The following PRELID2 variants were observed in gnomAD, a reference collection of about 807,000 sequenced individuals.
PRELID2 encodes PRELI domain-containing protein 2.
PRELID2 carries 25 observed loss-of-function variants against 28.4 expected under a neutral mutation model. The ratio of observed to expected loss-of-function variants is 0.88; its 90% CI spans 0.64 to 1.23. The LOEUF is 1.23. Among genes scored for constraint, PRELID2 ranks in the 50% most tolerant of loss-of-function variants. The probability of loss-of-function intolerance (pLI) is 0.00; values close to 1 mark genes in which losing one functional copy is unlikely to be tolerated. For missense variants in PRELID2, 201 were observed against 214.4 expected, an observed-to-expected ratio of 0.94 and a Z score of 0.39; for synonymous variants, 76 against 71.6, an observed-to-expected ratio of 1.06 and a Z score of -0.31.
At position 145,593,797 on chromosome 5, in the gene PRELID2, T is replaced by C. The variant is rs112494639; in HGVS notation, n.71-120482A>G. ...ATCAGAAGAAAAAAGATGTGGTAGA[T>C]GAACTCATTGATTAAGAGAGACTCA... On this transcript the variant is annotated intron_variant and non_coding_transcript_variant, in intron 1 of 2. Coordinates refer to the PRELID2 transcript ENST00000510259. Among the ~76,000 whole-genome samples, 430 of 152,298 alleles carry C rather than the reference T, an allele frequency of 2.8e-3. 1 individual carries two copies. The highest frequency in any genetic ancestry group is 0.01 in the African/African-American group (417 of 41,578).
chr5:145,331,261 G>A, the PRELID2 span, among the ~76,000 whole-genome samples: 1 of 152,154 alleles, frequency 6.6e-6, no homozygotes, highest in African/African-American at 2.4e-5. Flanking sequence ...TTGATTTGGG[G>A]TGGAGAGTTC....
chr5:145,799,376 C>T (rs1752981010), intron 4 of PRELID2, among the ~76,000 whole-genome samples: 1 of 152,114 alleles, frequency 6.6e-6, no homozygotes, highest in Non-Finnish European at 1.5e-5. Context: ...AACTTTGCCT[C>T]ATTCATTCAT....
the PRELID2 span, among the ~76,000 whole-genome samples, chr5:145,307,552 C>A: frequency 6.6e-6 from 1 of 152,218 alleles, no homozygotes; most frequent in Admixed American, 6.5e-5. Context: ...CCTCTCAATC[C>A]TCTGTGTGCC....
chr5:145,803,418 C>A (rs1230502546), intron 4 of PRELID2, among the ~76,000 whole-genome samples: 13 of 151,516 alleles, frequency 8.6e-5, no homozygotes, highest in African/African-American at 3.2e-4. Flanking sequence ...CACACACACA[C>A]TATATATACA....
the PRELID2 span, among the ~76,000 whole-genome samples, chr5:145,252,291 C>T: frequency 6.6e-6 from 1 of 152,144 alleles, no homozygotes; most frequent in East Asian, 1.9e-4. Flanking sequence ...TGTAGATTCT[C>T]TGGCCCTGTC....
At chr5:145,357,383 TA>T in the PRELID2 span, among the ~76,000 whole-genome samples, 2 of 152,200 alleles carry the variant, frequency 1.3e-5, no homozygotes, top group East Asian at 3.9e-4. Flanking sequence ...CAATGAGTCA[TA>T]GATTTGGTTT....
intron 1 of PRELID2, among the ~76,000 whole-genome samples, chr5:145,571,179 T>C (rs1753012049): frequency 6.6e-6 from 1 of 152,226 alleles, no homozygotes; most frequent in South Asian, 2.1e-4. Flanking sequence ...ACCACCTATA[T>C]CTGTATGGTG....
At chr5:145,716,273 A>G (rs1019186524) in intron 1 of PRELID2, among the ~76,000 whole-genome samples, 3 of 152,210 alleles carry the variant, frequency 2.0e-5, no homozygotes, top group Non-Finnish European at 4.4e-5. Flanking sequence ...TGGGCTCTCA[A>G]CAAATGTCTA....
chr5:145,538,031 C>G (rs1258586545), intron 1 of PRELID2, among the ~76,000 whole-genome samples: 2 of 151,626 alleles, frequency 1.3e-5, no homozygotes. Flanking sequence ...GAGATGTAAC[C>G]ATCTAGTCTC....
At chr5:145,740,623 T>TAA (rs1756654282) in intron 1 of PRELID2, among the ~76,000 whole-genome samples, 1 of 11,826 alleles carries the variant, frequency 8.5e-5, no homozygotes, top group Admixed American at 1.5e-3. Context: ...TAAATATATA[T>TAA]ATATTATATA....
intron 1 of PRELID2, among the ~76,000 whole-genome samples, chr5:145,600,051 T>C (rs180704813): frequency 1.4e-3 from 205 of 150,896 alleles, no homozygotes; most frequent in African/African-American, 4.8e-3. Context: ...ATATGTTCTA[T>C]GTTATCTGTG....
At chr5:145,311,596 C>A in the PRELID2 span, among the ~76,000 whole-genome samples, 1 of 152,120 alleles carries the variant, frequency 6.6e-6, no homozygotes. Flanking sequence ...TATTTTCTGG[C>A]AAACACATAG....
the PRELID2 span, among the ~76,000 whole-genome samples, chr5:145,428,621 C>G: frequency 6.6e-6 from 1 of 152,130 alleles, no homozygotes; most frequent in East Asian, 1.9e-4. Context: ...CAACATGGCA[C>G]ATGTATACAC....
the PRELID2 span, among the ~76,000 whole-genome samples, chr5:145,406,553 G>A: frequency 6.6e-6 from 1 of 152,148 alleles, no homozygotes; most frequent in Non-Finnish European, 1.5e-5. Context: ...TACATTGTGA[G>A]GAAAATGGCA....
At chr5:145,408,972 T>C in the PRELID2 span, among the ~76,000 whole-genome samples, 1 of 152,048 alleles carries the variant, frequency 6.6e-6, no homozygotes, top group Admixed American at 6.6e-5. Flanking sequence ...TGAGGCAAAA[T>C]CATCAGGTAA....
intron 1 of PRELID2, among the ~76,000 whole-genome samples, chr5:145,714,961 A>G (rs894680795): frequency 6.6e-6 from 1 of 152,138 alleles, no homozygotes; most frequent in African/African-American, 2.4e-5. Flanking sequence ...ATCTAGGAGT[A>G]TGTCGATAAC....
In PRELID2 at chr5:145,503,604, C is replaced by T. The variant is rs181229644; in HGVS notation, n.71-30289G>A. 3.5e-4 allele frequency among the ~76,000 whole-genome samples: 53 copies of T among 152,200 alleles called. No individual in the cohort carries two copies. The East Asian group carries it at 7.6e-3, about 22-fold the overall frequency. ...GGTATAGAGAGGTTAAGAGGCTTGA[C>T]GAAGATAAAAGCACAATGGGCTACT... On this transcript the variant is annotated intron_variant and non_coding_transcript_variant, in intron 1 of 2. Coordinates refer to the PRELID2 transcript ENST00000510259.
At chr5:145,652,014 T>C (rs998177241) in intron 1 of PRELID2, among the ~76,000 whole-genome samples, 3 of 152,258 alleles carry the variant, frequency 2.0e-5, no homozygotes, top group East Asian at 1.9e-4. Flanking sequence ...GAAAAAAGTT[T>C]AGACAGATGG....
intron 1 of PRELID2, among the ~76,000 whole-genome samples, chr5:145,554,280 C>T (rs1197702133): frequency 6.6e-6 from 1 of 152,136 alleles, no homozygotes; most frequent in Non-Finnish European, 1.5e-5. Context: ...TAAAAGTAAC[C>T]ACCAGTGTGG....
Sources: allele counts gnomAD v4.1 joint callset (sites outside exome capture counted in the v4.1 genomes callset), GRCh38; gene constraint gnomAD v4.1.1; transcripts MANE v1.5; gene names NCBI Gene and HGNC (gene_info 2026-07-23, HGNC 2026-07-21).